ZC4H2: variants seen among roughly 807,000 people sequenced by gnomAD.
ZC4H2 encodes zinc finger C4H2-type containing, also known as zinc finger C4H2 domain-containing protein.
For synonymous variants in ZC4H2, 84 were observed against 66.3 expected (o/e 1.27, Z -1.30); for missense variants, 137 against 173.9 (o/e 0.79, Z 1.19).
At chrX:64,961,519 T>A (rs1300843029) in intron 1 of ZC4H2, among the ~76,000 whole-genome samples, 4 of 111,544 alleles carry the variant, frequency 3.6e-5, no homozygotes, top group African/African-American at 1.3e-4. Flanking sequence ...ACTTTTAATG[T>A]CATCAGCTAA....
chrX:64,952,083 T>G (rs1003466038), intron 1 of ZC4H2, among the ~76,000 whole-genome samples: 2 of 110,971 alleles, frequency 1.8e-5, no homozygotes, highest in African/African-American at 6.6e-5. Context: ...CTTGTTTTTC[T>G]CAGGTTTGTC....
At chrX:64,975,605 T>A (rs1931922041) in intron 1 of ZC4H2, among the ~76,000 whole-genome samples, 1 of 110,841 alleles carries the variant, frequency 9.0e-6, no homozygotes, top group Admixed American at 9.6e-5. Flanking sequence ...ATATCATCGC[T>A]TTGCCAAAAG....
chrX:65,012,733 C>A (rs1932767601), intron 1 of ZC4H2, among the ~76,000 whole-genome samples: 1 of 111,398 alleles, frequency 9.0e-6, no homozygotes, highest in Admixed American at 9.6e-5. Context: ...TTTTCTCATT[C>A]AATAAGTATA....
intron 1 of ZC4H2, among the ~76,000 whole-genome samples, chrX:65,011,950 G>A (rs1348416395): frequency 3.6e-5 from 4 of 109,664 alleles, no homozygotes; most frequent in African/African-American, 6.6e-5. Context: ...TCTTGACCTC[G>A]TGATCCACCT....
At chrX:64,934,905 C>T (rs1045491684) in intron 1 of ZC4H2, among the ~76,000 whole-genome samples, 1 of 111,421 alleles carries the variant, frequency 9.0e-6, no homozygotes. Context: ...ACTGGGCGGC[C>T]CTTTGGGCAG....
chrX:65,032,525 A>G (rs1290783475), intron 1 of ZC4H2, among the ~76,000 whole-genome samples: 1 of 111,601 alleles, frequency 9.0e-6, no homozygotes, highest in African/African-American at 3.3e-5. Context: ...ATTGTAATAT[A>G]TATTCCCTAT....
intron 1 of ZC4H2, among the ~76,000 whole-genome samples, chrX:64,997,707 G>T (rs753572695): frequency 9.0e-6 from 1 of 111,550 alleles, no homozygotes; most frequent in East Asian, 2.8e-4. Context: ...ACCTAGGTGC[G>T]GGTGTTCTTC....
chrX:64,961,793 A>G (rs1931401886), intron 1 of ZC4H2, among the ~76,000 whole-genome samples: 1 of 111,718 alleles, frequency 9.0e-6, no homozygotes, highest in Non-Finnish European at 1.9e-5. Context: ...GAAGAATCAC[A>G]TATCAACAAA....
At chrX:65,021,296 G>A (rs1932834692) in intron 1 of ZC4H2, among the ~76,000 whole-genome samples, 1 of 110,863 alleles carries the variant, frequency 9.0e-6, no homozygotes, top group Non-Finnish European at 1.9e-5. Flanking sequence ...CTCAGAAAAT[G>A]CAAAAGAATG....
chrX:65,017,140 A>AT, intron 1 of ZC4H2, among the ~76,000 whole-genome samples: 1 of 111,709 alleles, frequency 9.0e-6, no homozygotes, highest in Non-Finnish European at 1.9e-5. Context: ...ATTATTCTGC[A>AT]TTTTTTCTCT....
At chrX:65,019,066 C>T (rs1427840965) in intron 1 of ZC4H2, among the ~76,000 whole-genome samples, 4 of 111,868 alleles carry the variant, frequency 3.6e-5, no homozygotes, top group Non-Finnish European at 7.5e-5. Flanking sequence ...CCCCATCTCA[C>T]TGGGACAGAG....
intron 1 of ZC4H2, among the ~76,000 whole-genome samples, chrX:65,020,483 T>C (rs1235714257): frequency 3.6e-5 from 4 of 111,550 alleles, no homozygotes; most frequent in Non-Finnish European, 7.5e-5. Flanking sequence ...GACAAGCAAA[T>C]GCTAAGACAC....
Position 64,922,273 on chromosome X carries a change from G to GA in ZC4H2, c.54-286dup, listed in dbSNP as rs375577406. On this transcript the variant is annotated intron_variant, in intron 1 of 4. Transcript: ENST00000374839. ...AAAAAAAAAAAAGAAAAAGAAAAAA[G>GA]AAAAAAAAAAGAAAAAGAAAAAGAA... 3.3e-3 allele frequency: 637 copies of GA among 194,954 alleles called. 1 individual carries two copies. The highest frequency in any genetic ancestry group is 4.0e-3 in the Middle Eastern group (2 of 496). 16.1% of individuals were successfully genotyped at this position (194,954 alleles called of 1,213,427 possible). A position where few individuals can be genotyped will look rare whatever the true frequency, so the allele number is the denominator to read the frequency against.
At chrX:65,016,865 AG>A (rs1932801252) in intron 1 of ZC4H2, among the ~76,000 whole-genome samples, 1 of 111,900 alleles carries the variant, frequency 8.9e-6, no homozygotes, top group Non-Finnish European at 1.9e-5. Context: ...ATAGCTAAAA[AG>A]AAAGAACTTT....
chrX:65,032,902 A>C (rs1932953852), intron 1 of ZC4H2, among the ~76,000 whole-genome samples: 1 of 110,939 alleles, frequency 9.0e-6, no homozygotes, highest in African/African-American at 3.3e-5. Context: ...CCCGCCTCCC[A>C]AGTAGCTGGG....
intron 1 of ZC4H2, among the ~76,000 whole-genome samples, chrX:64,932,140 C>T (rs1310373060): frequency 9.1e-6 from 1 of 109,534 alleles, no homozygotes; most frequent in Non-Finnish European, 1.9e-5. Context: ...ACTGTTGTTG[C>T]TTTAAAGTCT....
intron 1 of ZC4H2, among the ~76,000 whole-genome samples, chrX:64,930,471 T>C (rs963562925): frequency 8.9e-5 from 10 of 111,733 alleles, no homozygotes; most frequent in Non-Finnish European, 1.9e-4. Flanking sequence ...ATGTTTTCAA[T>C]TTTTCCCCAT....
intron 1 of ZC4H2, among the ~76,000 whole-genome samples, chrX:64,923,997 C>T (rs946636720): frequency 8.9e-6 from 1 of 112,009 alleles, no homozygotes; most frequent in Non-Finnish European, 1.9e-5. Flanking sequence ...TACTTATTTG[C>T]TTATATCCCC....
intron 1 of ZC4H2, among the ~76,000 whole-genome samples, chrX:64,925,858 C>A (rs894698435): frequency 5.4e-5 from 6 of 112,007 alleles, no homozygotes; most frequent in African/African-American, 1.3e-4. Context: ...GCAGCTTAAT[C>A]CTTTGGGTAC....
Sources: gnomAD v4.1 joint callset for allele counts (sites outside exome capture counted in the v4.1 genomes callset) on GRCh38, gnomAD v4.1.1 for gene constraint, MANE v1.5 for transcripts, NCBI Gene and HGNC (gene_info 2026-07-23, HGNC 2026-07-21) for gene names.